The following PMFBP1 variants were observed in gnomAD, a reference collection of about 807,000 sequenced individuals.
The protein encoded by PMFBP1 is polyamine-modulated factor 1-binding protein 1.
PMFBP1 carries 131 observed loss-of-function variants against 137.8 expected under a neutral mutation model. The observed-to-expected ratio is 0.95, with a 90% CI of 0.82 to 1.10. The LOEUF (loss-of-function observed/expected upper bound fraction) is 1.10. Among genes scored for constraint, PMFBP1 ranks in the 50% least tolerant of loss-of-function variants. The pLI, the probability that PMFBP1 is intolerant of heterozygous loss-of-function variation, is 0.00. For synonymous variants in PMFBP1, 490 were observed against 450.4 expected (o/e 1.09, Z -1.11); for missense variants, 1,199 against 1,175.4 (o/e 1.02, Z -0.29).
chr16:72,225,732 T>TAATAA, the PMFBP1 span, among the ~76,000 whole-genome samples: 25 of 147,566 alleles, frequency 1.7e-4, no homozygotes, highest in South Asian at 3.6e-3. Flanking sequence ...ATAATAATAA[T>TAATAA]AATAATAATA....
chr16:72,217,887 T>C, the PMFBP1 span, among the ~76,000 whole-genome samples: 1 of 152,042 alleles, frequency 6.6e-6, no homozygotes, highest in Non-Finnish European at 1.5e-5. Context: ...GAACAATAAG[T>C]CAAGCTCTGA....
chr16:72,222,773 T>G, the PMFBP1 span, among the ~76,000 whole-genome samples: 1 of 152,180 alleles, frequency 6.6e-6, no homozygotes, highest in East Asian at 1.9e-4. Context: ...TTTTCTTTTT[T>G]GAAGATGAAA....
chr16:72,133,508 T>C (rs530069332), intron 9 of PMFBP1, among the ~76,000 whole-genome samples: 1 of 152,178 alleles, frequency 6.6e-6, no homozygotes, highest in East Asian at 1.9e-4. Flanking sequence ...TTTTACTTTT[T>C]GAGGCACTCT....
In PMFBP1 at chr16:72,129,206, T is replaced by C. The variant is rs755089346; in HGVS notation, c.1810A>G (p.Lys604Glu). ...QHREQGSIKCKLEEDLQEATK... is the reference protein window; with the variant it reads ...QHREQGSIKCELEEDLQEATK... ...GCCTCCTGAAGATCTTCTTCTAACTTGCATTTGATGGAGCCTTGCTCCCTG... is the reference window on the plus strand; with the variant it reads ...GCCTCCTGAAGATCTTCTTCTAACTCGCATTTGATGGAGCCTTGCTCCCTG... Residue 604 changes from lysine to glutamate, a missense_variant, in exon 13 of 21, where the codon AAG becomes GAG. By Grantham distance (56) the Lys-to-Glu change is moderately conservative. Coordinates refer to ENST00000237353, the MANE Select transcript of PMFBP1 (RefSeq NM_031293.3). 6.2e-7 allele frequency: 1 copy of C among 1,613,524 alleles called. No homozygotes were observed. Among genetic ancestry groups the C allele is most frequent in the South Asian group, 1.1e-5 (1 of 91,078 alleles).
At chr16:72,201,455 GT>G in the PMFBP1 span, among the ~76,000 whole-genome samples, 111 of 152,280 alleles carry the variant, frequency 7.3e-4, no homozygotes, top group Non-Finnish European at 1.3e-3. Context: ...TTTCAATTCA[GT>G]TAAAATCCTG....
chr16:72,225,348 C>T, the PMFBP1 span, among the ~76,000 whole-genome samples: 1 of 152,074 alleles, frequency 6.6e-6, no homozygotes, highest in East Asian at 1.9e-4. Flanking sequence ...AAGCTTACCA[C>T]CTTAGGTCAC....
chr16:72,231,805 C>A, the PMFBP1 span, among the ~76,000 whole-genome samples: 1 of 146,078 alleles, frequency 6.8e-6, no homozygotes, highest in Non-Finnish European at 1.5e-5. Flanking sequence ...TATTACAAAC[C>A]AGTAACAAAC....
chr16:72,122,869 T>C (rs762023141), intron 19 of PMFBP1, 45 bp downstream of exon 19: 1 of 1,567,210 alleles, frequency 6.4e-7, no homozygotes, highest in South Asian at 1.1e-5. Context: ...CTGACCCTTC[T>C]TGTCAGCTCC....
At chr16:72,123,148 C>G (rs2042401708) in intron 18 of PMFBP1, among the ~76,000 whole-genome samples, 160 bp from the exon 19 acceptor site, 1 of 152,152 alleles carries the variant, frequency 6.6e-6, no homozygotes, top group African/African-American at 2.4e-5. Flanking sequence ...CTTCCTAGCA[C>G]CTGGGGATTC....
At chr16:72,197,099 C>T in the PMFBP1 span, among the ~76,000 whole-genome samples, 17 of 152,210 alleles carry the variant, frequency 1.1e-4, no homozygotes, top group East Asian at 2.1e-3. Context: ...GTTCCAGCTA[C>T]GAACCAGAGT....
At chr16:72,235,848 A>C in the PMFBP1 span, among the ~76,000 whole-genome samples, 3 of 152,226 alleles carry the variant, frequency 2.0e-5, no homozygotes, top group East Asian at 5.8e-4. Context: ...TGTGTCGTGC[A>C]ACACTGCTGA....
chr16:72,208,069 G>T, the PMFBP1 span, among the ~76,000 whole-genome samples: 1 of 152,160 alleles, frequency 6.6e-6, no homozygotes, highest in African/African-American at 2.4e-5. Flanking sequence ...CACTGATAGG[G>T]TGAGACCCAC....
At chr16:72,220,948 C>A in the PMFBP1 span, among the ~76,000 whole-genome samples, 1 of 152,158 alleles carries the variant, frequency 6.6e-6, no homozygotes, top group Admixed American at 6.5e-5. Context: ...TGACTGCTCC[C>A]CAGAACTCTC....
At chr16:72,158,361 A>G (rs897534465) in intron 3 of PMFBP1, among the ~76,000 whole-genome samples, 8 of 152,214 alleles carry the variant, frequency 5.3e-5, no homozygotes, top group African/African-American at 1.9e-4. Context: ...AATTGCCAGC[A>G]TTTATATTAA....
intron 5 of PMFBP1, among the ~76,000 whole-genome samples, chr16:72,144,438 T>TA (rs1443496944): frequency 6.6e-6 from 1 of 151,782 alleles, no homozygotes; most frequent in Non-Finnish European, 1.5e-5. Context: ...GGCAGAAAGA[T>TA]AAAAAAAATA....
chr16:72,150,863 A>T, intron 4 of PMFBP1, 34 bp from the exon 5 acceptor site: 1 of 1,574,290 alleles, frequency 6.4e-7, no homozygotes, highest in Non-Finnish European at 8.7e-7. Flanking sequence ...CATTGAGCCC[A>T]TGGAAGCACG....
chr16:72,160,918 C>T (rs529072871), intron 3 of PMFBP1, among the ~76,000 whole-genome samples: 2 of 152,218 alleles, frequency 1.3e-5, no homozygotes, highest in Non-Finnish European at 1.5e-5. Context: ...GGTTATTTGG[C>T]TTTTGAATCA....
chr16:72,151,976 G>T (rs1187594685), intron 4 of PMFBP1, among the ~76,000 whole-genome samples: 1 of 152,148 alleles, frequency 6.6e-6, no homozygotes, highest in Non-Finnish European at 1.5e-5. Flanking sequence ...TATGTTGGTG[G>T]GTTCACTCTG....
intron 3 of PMFBP1, among the ~76,000 whole-genome samples, chr16:72,162,728 T>C (rs2043083020): frequency 6.6e-6 from 1 of 152,232 alleles, no homozygotes; most frequent in African/African-American, 2.4e-5. Context: ...TCTGGGCAAT[T>C]AGAATAATAA....
Sources: allele counts gnomAD v4.1 joint callset (sites outside exome capture counted in the v4.1 genomes callset), GRCh38; gene constraint gnomAD v4.1.1; transcripts MANE v1.5; gene names NCBI Gene and HGNC (gene_info 2026-07-23, HGNC 2026-07-21).